The following SATB2 variants were observed in gnomAD, a reference collection of about 807,000 sequenced individuals.
SATB2 encodes DNA-binding protein SATB2.
In SATB2, 1 loss-of-function variant was observed where a neutral mutation model predicts 73.4. That is an observed-to-expected ratio of 0.01 (90% CI 0.00 to 0.06). The LOEUF is 0.06. Ranked by LOEUF, SATB2 falls within the 10% of genes least tolerant of loss-of-function variation. The pLI is 1.00. For missense variants in SATB2, 459 were observed against 945.8 expected (o/e 0.49, Z 6.75); for synonymous variants, 397 against 367.0 (o/e 1.08, Z -0.93).
Position 199,433,322 on chromosome 2 carries a change from G to C in SATB2, c.346+16C>G. On this transcript the variant is annotated intron_variant, in intron 3 of 10. Coordinates refer to ENST00000417098, the MANE Select transcript of SATB2 (RefSeq NM_001172509.2). ...CACACAAGAGACTTGGGAGGAGAGGGGAGAGGCATTAATACCTTGGGCCTG... is the reference window on the plus strand; with the variant it reads ...CACACAAGAGACTTGGGAGGAGAGGCGAGAGGCATTAATACCTTGGGCCTG... 6.2e-7 allele frequency: 1 copy of C among 1,611,412 alleles called. No homozygotes were observed. Among genetic ancestry groups the C allele is most frequent in the Non-Finnish European group, 8.5e-7 (1 of 1,178,438 alleles).
At chr2:199,279,938 C>G (rs893554532) in intron 10 of SATB2, among the ~76,000 whole-genome samples, 8 of 152,130 alleles carry the variant, frequency 5.3e-5, no homozygotes, top group African/African-American at 1.9e-4. Flanking sequence ...TTCAGGAGTT[C>G]AAGACCAGCC....
At chr2:199,414,829 G>T (rs1282106934) in intron 3 of SATB2, among the ~76,000 whole-genome samples, 1 of 152,116 alleles carries the variant, frequency 6.6e-6, no homozygotes, top group Non-Finnish European at 1.5e-5. Flanking sequence ...TGGGAGCAAG[G>T]TCTCACTGGG....
intron 3 of SATB2, among the ~76,000 whole-genome samples, chr2:199,406,661 G>T (rs1173968161): frequency 6.6e-6 from 1 of 152,120 alleles, no homozygotes; most frequent in African/African-American, 2.4e-5. Context: ...TGAGAGACAT[G>T]AAGCCACAGG....
chr2:199,416,153 C>A lies in SATB2; in HGVS notation c.346+17185G>T, dbSNP rs538733327. Among the ~76,000 whole-genome samples, 3 of 152,178 alleles carry A rather than the reference C, an allele frequency of 2.0e-5. No homozygotes were observed. In the South Asian group the frequency reaches 6.2e-4, roughly 32 times the overall value. ...CTATTTTAGAGTGTTACAGTTATTT[C>A]CATACAGGTGTGGTTCTATTATACC... On this transcript the variant is annotated intron_variant, in intron 3 of 10. Transcript: ENST00000417098.
upstream of SATB2, among the ~76,000 whole-genome samples, chr2:199,461,943 G>A (rs1334979315): frequency 6.6e-6 from 1 of 152,094 alleles, no homozygotes; most frequent in Non-Finnish European, 1.5e-5. Flanking sequence ...TTCCTTCCTA[G>A]AGGCCCGCTC....
chr2:199,367,823 G>A (rs572522115), intron 6 of SATB2, among the ~76,000 whole-genome samples: 1 of 152,132 alleles, frequency 6.6e-6, no homozygotes, highest in South Asian at 2.1e-4. Context: ...TTCCACCACT[G>A]ACATATTTGA....
intron 3 of SATB2, among the ~76,000 whole-genome samples, chr2:199,427,287 G>C (rs79913220): frequency 0.029 from 4,395 of 151,646 alleles, 236 homozygotes; most frequent in African/African-American, 0.1. Context: ...CTAAGTTTCA[G>C]AAAAGAATTT....
intron 3 of SATB2, among the ~76,000 whole-genome samples, chr2:199,383,533 A>C (rs1246956567): frequency 6.6e-6 from 1 of 152,222 alleles, no homozygotes. Flanking sequence ...GATCACCCAT[A>C]AGTTGAATAT....
chr2:199,295,895 A>G (rs1174904937), intron 10 of SATB2, among the ~76,000 whole-genome samples: 2 of 152,228 alleles, frequency 1.3e-5, no homozygotes. Flanking sequence ...AAACCAAGTA[A>G]TAATAAAATA....
rs1475189867 is a variant in SATB2 at position 199,388,675 on chromosome 2, A to G, written c.347-6855T>C. On this transcript the variant is annotated intron_variant, in intron 3 of 10. Coordinates refer to ENST00000417098, the MANE Select transcript of SATB2 (RefSeq NM_001172509.2). ...AAGCAAAATGAAAACTCAACCTGAG[A>G]AAAAAAAATGAGACATTAGCTTTAA... Among the ~76,000 whole-genome samples, 7 of 151,536 alleles carry G rather than the reference A, an allele frequency of 4.6e-5. No individual in the cohort carries two copies. In the East Asian group the frequency reaches 9.7e-4, roughly 21 times the overall value.
rs531387464 is a variant in SATB2, at chr2:199,338,209, C to CA, written c.1174-9300dup. 6.4e-3 allele frequency among the ~76,000 whole-genome samples: 972 copies of CA among 150,702 alleles called. 4 individuals are homozygous for CA. Among genetic ancestry groups the CA allele is most frequent in the South Asian group, 0.015 (72 of 4,758 alleles). On this transcript the variant is annotated intron_variant, in intron 7 of 10. Coordinates refer to ENST00000417098, the MANE Select transcript of SATB2 (RefSeq NM_001172509.2). ...GGAAACCCTGTCTCTATTAAAAATA[C>CA]AAAAAAAAATTAGCCATGCATGGTG...
At chr2:199,361,757 CTTT>C (rs1420402233) in intron 6 of SATB2, among the ~76,000 whole-genome samples, 1 of 140,426 alleles carries the variant, frequency 7.1e-6, no homozygotes. Context: ...CCAACCATTT[CTTT>C]TTTTTTTTTT....
At chr2:199,335,724 TC>T (rs1344185342) in intron 7 of SATB2, among the ~76,000 whole-genome samples, 28 of 152,186 alleles carry the variant, frequency 1.8e-4, no homozygotes, top group African/African-American at 6.5e-4. Flanking sequence ...CACATTATAC[TC>T]AAGATCTTTT....
chr2:199,386,137 C>A (rs1689925370), intron 3 of SATB2, among the ~76,000 whole-genome samples: 1 of 152,064 alleles, frequency 6.6e-6, no homozygotes, highest in African/African-American at 2.4e-5. Context: ...CTTGGAGAAC[C>A]AGAAGCAATT....
intron 5 of SATB2, among the ~76,000 whole-genome samples, chr2:199,370,633 C>T (rs1207489932): frequency 6.6e-6 from 1 of 152,056 alleles, no homozygotes. Flanking sequence ...TAATACGAGG[C>T]CACAAGCCCA....
intron 10 of SATB2, among the ~76,000 whole-genome samples, chr2:199,294,198 G>A (rs962732642): frequency 6.6e-6 from 1 of 152,096 alleles, no homozygotes; most frequent in African/African-American, 2.4e-5. Context: ...GAACACAGAT[G>A]ACAGTTACAT....
intron 10 of SATB2, among the ~76,000 whole-genome samples, chr2:199,300,611 T>C (rs534406006): frequency 1.3e-5 from 2 of 152,246 alleles, no homozygotes; most frequent in East Asian, 3.9e-4. Flanking sequence ...TGTACCGATA[T>C]AAATGACACA....
At chr2:199,425,813 C>A (rs1691309382) in intron 3 of SATB2, among the ~76,000 whole-genome samples, 1 of 152,120 alleles carries the variant, frequency 6.6e-6, no homozygotes. Flanking sequence ...ATAAGGTGAG[C>A]ATTATTTTAC....
intron 6 of SATB2, among the ~76,000 whole-genome samples, chr2:199,356,114 T>C (rs1296271846): frequency 6.6e-6 from 1 of 150,682 alleles, no homozygotes; most frequent in African/African-American, 2.5e-5. Flanking sequence ...AAGATGCTTA[T>C]GCAAATGTAA....
Sources: allele counts gnomAD v4.1 joint callset (sites outside exome capture counted in the v4.1 genomes callset), GRCh38; gene constraint gnomAD v4.1.1; transcripts MANE v1.5; gene names NCBI Gene and HGNC (gene_info 2026-07-23, HGNC 2026-07-21).